Variants in CCZ1B observed in about 807,000 individuals in gnomAD.
CCZ1B encodes CCZ1B vacuolar protein trafficking and biogenesis associated.
Under a neutral mutation model 58.8 loss-of-function variants are expected in CCZ1B, and 25 were observed. The observed-to-expected ratio is 0.43, with a 90% CI of 0.31 to 0.59. The LOEUF (loss-of-function observed/expected upper bound fraction) is 0.59. Among genes scored for constraint, CCZ1B ranks in the 20% least tolerant of loss-of-function variants. The pLI is 0.12. For synonymous variants in CCZ1B, 66 were observed against 173.2 expected, an observed-to-expected ratio of 0.38 and a Z score of 4.86; for missense variants, 180 against 501.5, an observed-to-expected ratio of 0.36 and a Z score of 6.12.
intron 7 of CCZ1B, among the ~76,000 whole-genome samples, chr7:6,815,229 G>A (rs1411967290): frequency 1.4e-5 from 2 of 145,694 alleles, no homozygotes; most frequent in Non-Finnish European, 3.0e-5. Flanking sequence ...GCAGTGGTGC[G>A]ATCATGGCTC....
rs555303034 is a variant in CCZ1B, at chr7:6,819,584, C to T, written c.698+182G>A. ...AAACTCCTCTGCTTGGAAATTTGAA[C>T]CCAAATCACCCTAGTTCTGCTTTAA... On this transcript the variant is annotated intron_variant, in intron 7 of 14. Coordinates refer to ENST00000316731, the MANE Select transcript of CCZ1B (RefSeq NM_198097.5). 1.0e-4 allele frequency among the ~76,000 whole-genome samples: 15 copies of T among 147,832 alleles called. 1 individual carries two copies. In the South Asian group the frequency reaches 1.3e-3, roughly 13 times the overall value.
At chr7:6,803,946 TAA>T (rs1192034108) in intron 12 of CCZ1B, among the ~76,000 whole-genome samples, 7,113 of 94,498 alleles carry the variant, frequency 0.075, 99 homozygotes, top group East Asian at 0.29. Context: ...GACTCTGTCT[TAA>T]AAAAAAAAAA....
chr7:6,819,840 G>A lies in CCZ1B; in HGVS notation c.624C>T (p.Ser208=). 1.3e-6 allele frequency: 2 copies of A among 1,569,326 alleles called. No homozygotes were observed. The highest frequency in any genetic ancestry group is 1.7e-6 in the Non-Finnish European group (2 of 1,146,710). Residue 208 remains serine (S), a synonymous_variant, in exon 7 of 15, where the codon TCC becomes TCT. Coordinates refer to ENST00000316731, the MANE Select transcript of CCZ1B (RefSeq NM_198097.5). ...GGCTTTCCTCCATTCTATTAATAAA[G>A]GACTGGATTTTCAAATAAGTCATTT... ...LDKMTYLKIQ[S]FINRMEESLN... is the part of the protein sequence containing the mutation.
chr7:6,816,925 A>ATT (rs577923589), intron 7 of CCZ1B, among the ~76,000 whole-genome samples: 5 of 107,692 alleles, frequency 4.6e-5, no homozygotes, highest in Admixed American at 2.9e-4. Context: ...TGCCCAGCTA[A>ATT]TTTTTTTTTT....
At chr7:6,818,324 G>A (rs972033926) in intron 7 of CCZ1B, among the ~76,000 whole-genome samples, 2 of 149,638 alleles carry the variant, frequency 1.3e-5, no homozygotes, top group African/African-American at 2.5e-5. Context: ...CAATGCAGGC[G>A]AATCACCTGA....
At chr7:6,822,392 A>G (rs764161829) in intron 5 of CCZ1B, 28 bp from the exon 6 acceptor site, 2 of 1,582,728 alleles carry the variant, frequency 1.3e-6, no homozygotes, top group South Asian at 1.2e-5. Context: ...TGCAGAAAAA[A>G]AAATCAGTTT....
intron 4 of CCZ1B, 88 bp from the exon 5 acceptor site, chr7:6,823,448 C>T: frequency 1.9e-6 from 3 of 1,575,070 alleles, no homozygotes; most frequent in Non-Finnish European, 2.6e-6. Flanking sequence ...TGACTCTTGG[C>T]CAAACAGTAT....
intron 1 of CCZ1B, among the ~76,000 whole-genome samples, chr7:6,825,760 T>C (rs1178254581): frequency 3.2e-5 from 4 of 123,740 alleles, no homozygotes; most frequent in African/African-American, 1.3e-4. Context: ...GCCACCCTGG[T>C]TCCACGCTTC....
chr7:6,818,728 A>AC (rs1344223161), intron 7 of CCZ1B, among the ~76,000 whole-genome samples: 2 of 103,626 alleles, frequency 1.9e-5, no homozygotes, highest in Non-Finnish European at 3.8e-5. Flanking sequence ...AGAAAGAAAG[A>AC]AAGAAAGAAA....
rs1437190742 is a variant in CCZ1B, at chr7:6,824,743, A to G, written c.121-6T>C. On this transcript the variant is annotated splice_region_variant and splice_polypyrimidine_tract_variant and intron_variant, in intron 1 of 14. Coordinates refer to ENST00000316731, the MANE Select transcript of CCZ1B (RefSeq NM_198097.5). ...AATAAAATCTTATTTTCCTCCTGAA[A>G]CATGAGGAAACAGAAGCACAACATG... The G allele has an allele frequency of 6.3e-7, 1 of 1,581,734 alleles. No individual in the cohort carries two copies. The highest frequency in any genetic ancestry group is 1.4e-5 in the African/African-American group (1 of 71,754).
chr7:6,803,846 G>C (rs1305520365), intron 12 of CCZ1B, among the ~76,000 whole-genome samples: 3 of 151,074 alleles, frequency 2.0e-5, no homozygotes, highest in African/African-American at 7.3e-5. Context: ...CTACTCAGGA[G>C]GCTGAGGCAG....
At chr7:6,818,592 ACAGAAAGAAAGAAAGAAAGAAAGAC>A (rs1783048557) in intron 7 of CCZ1B, among the ~76,000 whole-genome samples, 1 of 135,422 alleles carries the variant, frequency 7.4e-6, no homozygotes, top group Non-Finnish European at 1.5e-5. Flanking sequence ...AGAAAGACAG[ACAGAAAGAAAGAAAGAAAGAAAGAC>A]AAGAAAGAAA....
rs1410644569 is a variant in CCZ1B, at chr7:6,825,158, A to T, written c.121-421T>A. The stretch of plus-strand genomic sequence containing the variant: ...TTGTAATACACCAATGCTTGTAAGA[A>T]GTAAAGGTGTGCCCATCTGCAGACA... On this transcript the variant is annotated intron_variant, in intron 1 of 14. Transcript: ENST00000316731. 2.5e-4 allele frequency among the ~76,000 whole-genome samples: 37 copies of T among 149,762 alleles called. 2 individuals carry two copies. The highest frequency in any genetic ancestry group is 2.3e-3 in the Admixed American group (35 of 15,090).
At chr7:6,825,065 A>G (rs1305491536) in intron 1 of CCZ1B, among the ~76,000 whole-genome samples, 1 of 150,456 alleles carries the variant, frequency 6.6e-6, no homozygotes, top group African/African-American at 2.5e-5. Context: ...TCAAGAAGTC[A>G]CATCTGAAGT....
Position 6,818,695 on chromosome 7 carries a change from CAAGAAAGAAAGAAAGACAAGAAAGA to C in CCZ1B, c.698+1046_698+1070del, listed in dbSNP as rs1783057426. Among the ~76,000 whole-genome samples the C allele has an allele frequency of 1.2e-4, 7 of 59,478 alleles. 2 individuals carry two copies. The highest frequency in any genetic ancestry group is 8.9e-4 in the South Asian group (1 of 1,122). The allele number at this position is 59,478 out of a possible 152,430, so 39.0% of individuals were successfully genotyped here. On this transcript the variant is annotated intron_variant, in intron 7 of 14. Transcript: ENST00000316731. ...AAAGAAAGAAAGAAAGAAAGAAAGA[CAAGAAAGAAAGAAAGACAAGAAAGA>C]AAGAAAGAAAGAAAGAAAGAGGGCT...
At chr7:6,804,411 T>G (rs1436408887) in intron 12 of CCZ1B, among the ~76,000 whole-genome samples, 2 of 124,636 alleles carry the variant, frequency 1.6e-5, no homozygotes, top group African/African-American at 3.1e-5. Flanking sequence ...GGCGACAGAG[T>G]GGGAATTTGT....
chr7:6,816,964 A>ATGC (rs1163811883), intron 7 of CCZ1B, among the ~76,000 whole-genome samples: 2 of 151,872 alleles, frequency 1.3e-5, no homozygotes, highest in Non-Finnish European at 2.9e-5. Context: ...CAGTCTCACT[A>ATGC]TGCTGCCCAG....
Position 6,823,515 on chromosome 7 carries a change from CTTTTTTTT to C in CCZ1B, c.391-163_391-156del, listed in dbSNP as rs897480782. 8.3e-4 allele frequency among the ~76,000 whole-genome samples: 87 copies of C among 104,874 alleles called. 5 individuals carry two copies. Among genetic ancestry groups the C allele is most frequent in the African/African-American group, 3.2e-3 (79 of 24,456 alleles). 68.8% of individuals were successfully genotyped at this position (104,874 alleles called of 152,430 possible). A position where few individuals can be genotyped will look rare whatever the true frequency, so the allele number is the denominator to read the frequency against. ...CGTGCTGAAAAAAAGTGTTTGCGTT[CTTTTTTTT>C]TTTTTTTTTTTTTGAGATGGAGTCT... On this transcript the variant is annotated intron_variant, in intron 4 of 14. Transcript: ENST00000316731.
At chr7:6,820,079 G>C in intron 6 of CCZ1B, 138 bp from the exon 7 acceptor site, 1 of 1,267,854 alleles carries the variant, frequency 7.9e-7, no homozygotes, top group Admixed American at 2.2e-5. Flanking sequence ...CAATGAGGCC[G>C]TGGTGAAGAC....
Sources: allele counts gnomAD v4.1 joint callset (sites outside exome capture counted in the v4.1 genomes callset), GRCh38; gene constraint gnomAD v4.1.1; transcripts MANE v1.5; gene names NCBI Gene and HGNC (gene_info 2026-07-23, HGNC 2026-07-21).